Variants in RBM6 observed in about 807,000 individuals in gnomAD.
The protein encoded by RBM6 is RNA binding motif protein 6.
In RBM6, 23 loss-of-function variants were observed where a neutral mutation model predicts 140.4. The ratio of observed to expected loss-of-function variants is 0.16; its 90% CI spans 0.12 to 0.23. The LOEUF (loss-of-function observed/expected upper bound fraction) is 0.23, where lower values mean the gene tolerates loss of function less well. Ranked by LOEUF, RBM6 falls within the 10% of genes least tolerant of loss-of-function variation. The pLI, the probability that RBM6 is intolerant of heterozygous loss-of-function variation, is 1.00. For synonymous variants in RBM6, 439 were observed against 475.6 expected (o/e 0.92, Z 1.00); for missense variants, 1,139 against 1,386.7 (o/e 0.82, Z 2.84).
chr3:50,037,624 A>C (rs1186927121), intron 6 of RBM6, among the ~76,000 whole-genome samples: 1 of 152,146 alleles, frequency 6.6e-6, no homozygotes, highest in Non-Finnish European at 1.5e-5. Context: ...AAGGGTCAGT[A>C]GAAATAATGT....
At chr3:50,063,401 T>A (rs2090011376) in intron 15 of RBM6, among the ~76,000 whole-genome samples, 2 of 148,882 alleles carry the variant, frequency 1.3e-5, no homozygotes, top group South Asian at 4.3e-4. Context: ...AGTTTAGGAG[T>A]TTGACACCAG....
chr3:50,041,560 T>C (rs2088921813), intron 6 of RBM6, among the ~76,000 whole-genome samples: 1 of 152,244 alleles, frequency 6.6e-6, no homozygotes, highest in Non-Finnish European at 1.5e-5. Flanking sequence ...AGTAATCTTT[T>C]ATACTAAGAG....
At chr3:50,043,499 AG>A (rs1270524560) in intron 6 of RBM6, among the ~76,000 whole-genome samples, 2 of 143,382 alleles carry the variant, frequency 1.4e-5, no homozygotes, top group African/African-American at 5.2e-5. Context: ...AAAAAAAAAA[AG>A]AGAGATCTAT....
intron 6 of RBM6, among the ~76,000 whole-genome samples, chr3:50,036,975 G>A (rs189176973): frequency 1.3e-5 from 2 of 151,752 alleles, no homozygotes; most frequent in African/African-American, 2.4e-5. Context: ...TAGTAGAGAC[G>A]GGGCTTCACC....
chr3:50,047,624 C>T (rs185508318), intron 6 of RBM6, among the ~76,000 whole-genome samples: 19 of 152,220 alleles, frequency 1.2e-4, no homozygotes, highest in African/African-American at 4.3e-4. Flanking sequence ...GTGATACCGC[C>T]GCCGCCGCTG....
At chr3:50,076,168 C>T (rs185977882) in intron 20 of RBM6, among the ~76,000 whole-genome samples, 242 of 151,932 alleles carry the variant, frequency 1.6e-3, no homozygotes, top group African/African-American at 5.3e-3. Flanking sequence ...AGAGTTTTGC[C>T]ATGTTGGCCA....
chr3:50,070,323 C>T (rs2090260874), intron 18 of RBM6, 132 bp from the exon 19 acceptor site: 2 of 674,242 alleles, frequency 3.0e-6, no homozygotes, highest in South Asian at 3.4e-5. Flanking sequence ...CCAGTGTACT[C>T]CAGCCTGGGC....
chr3:50,018,581 GTTTTTTTTTTT>G (rs58115280), intron 6 of RBM6, among the ~76,000 whole-genome samples: 7 of 63,510 alleles, frequency 1.1e-4, no homozygotes, highest in African/African-American at 2.0e-4. Flanking sequence ...GTAGGAGTGT[GTTTTTTTTTTT>G]TTTTTTTTTT....
rs763029328 is a variant in RBM6, at chr3:49,967,776, T to C, written c.351T>C (p.Gly117=). ...ATTCATCACAGTTGGACTTCAGGGG[T>C]AGGGACATACATTCTGGGGATTTTC... ...SRDSSQLDFR[G]RDIHSGDFRD... is the part of the protein sequence containing the mutation. Residue 117 remains glycine (G), a synonymous_variant, in exon 3 of 21, where the codon GGT becomes GGC. Coordinates refer to ENST00000266022, the MANE Select transcript of RBM6 (RefSeq NM_005777.3). The surrounding 1 kb of genome is among the most constrained non-coding windows in gnomAD (Gnocchi z 4.0). The C allele has an allele frequency of 6.2e-7, 1 of 1,613,844 alleles. No individual in the cohort carries two copies. Among genetic ancestry groups the C allele is most frequent in the Non-Finnish European group, 8.5e-7 (1 of 1,179,988 alleles).
Position 50,018,682 on chromosome 3 carries a change from C to T in RBM6, c.1557+19169C>T, listed in dbSNP as rs190059358. ...TCTCGGTTCATTGCAACCTCTGCCTCCCAGGTTCAAGTGATTCTTCTGCCT... is the reference window on the plus strand; with the variant it reads ...TCTCGGTTCATTGCAACCTCTGCCTTCCAGGTTCAAGTGATTCTTCTGCCT... On this transcript the variant is annotated intron_variant, in intron 6 of 20. Coordinates refer to ENST00000266022, the MANE Select transcript of RBM6 (RefSeq NM_005777.3). Among the ~76,000 whole-genome samples the T allele has an allele frequency of 3.7e-3, 557 of 148,966 alleles. 4 individuals are homozygous for T. Among genetic ancestry groups the T allele is most frequent in the Middle Eastern group, 0.017 (5 of 288 alleles).
chr3:50,070,286 C>T (rs761126453), intron 18 of RBM6, among the ~76,000 whole-genome samples, 169 bp from the exon 19 acceptor site: 2 of 151,892 alleles, frequency 1.3e-5, no homozygotes, highest in South Asian at 2.1e-4. Flanking sequence ...ACCTGGGAGG[C>T]GGAGGTTGCA....
At chr3:50,027,407 A>T (rs1000525557) in intron 6 of RBM6, among the ~76,000 whole-genome samples, 1 of 152,214 alleles carries the variant, frequency 6.6e-6, no homozygotes, top group Non-Finnish European at 1.5e-5. Context: ...TAGTATATTC[A>T]TAAAATTGTG....
chr3:50,068,604 A>T, intron 17 of RBM6, 86 bp from the exon 18 acceptor site: 1 of 1,271,656 alleles, frequency 7.9e-7, no homozygotes, highest in Non-Finnish European at 1.1e-6. Flanking sequence ...GCTACAATCC[A>T]AAAGCAACTA....
chr3:50,058,276 A>AT (rs1421436078), intron 9 of RBM6, 126 bp from the exon 10 acceptor site: 23 of 1,141,958 alleles, frequency 2.0e-5, no homozygotes, highest in Non-Finnish European at 2.6e-5. Context: ...TTTGTTTAGC[A>AT]TTTTTTTACA....
chr3:49,941,673 C>T (rs1319181612), intron 1 of RBM6, among the ~76,000 whole-genome samples: 2 of 138,792 alleles, frequency 1.4e-5, no homozygotes, highest in Non-Finnish European at 3.0e-5. Flanking sequence ...AAAAAAAACC[C>T]GCAAAACTCA....
rs1171636981 is a variant in RBM6 at position 49,941,640 on chromosome 3, C to CAAAAAA, written c.-67+1440_-67+1445dup. ...GGGCCACAAGAGTGAAACTCTGTCT[C>CAAAAAA]AAAAAAAAAAAAAAAAAAAAAAAAA... On this transcript the variant is annotated intron_variant, in intron 1 of 20. Coordinates refer to ENST00000266022, the MANE Select transcript of RBM6 (RefSeq NM_005777.3). Among the ~76,000 whole-genome samples the CAAAAAA allele has an allele frequency of 4.1e-3, 242 of 58,712 alleles. 12 individuals are homozygous for CAAAAAA. The highest frequency in any genetic ancestry group is 0.017 in the African/African-American group (231 of 13,928). The allele number at this position is 58,712 out of a possible 152,430, so 38.5% of individuals were successfully genotyped here.
chr3:50,068,872 G>C (rs1575875489), intron 18 of RBM6, 108 bp downstream of exon 18: 3 of 986,812 alleles, frequency 3.0e-6, no homozygotes, highest in Non-Finnish European at 3.0e-6. Flanking sequence ...GAGAACAAAA[G>C]CAGCCTCAAA....
At chr3:50,024,692 G>A (rs150862750) in intron 6 of RBM6, among the ~76,000 whole-genome samples, 14 of 152,312 alleles carry the variant, frequency 9.2e-5, no homozygotes, top group Admixed American at 3.3e-4. Flanking sequence ...GATGGCTCAC[G>A]CCTGTTATCC....
intron 7 of RBM6, among the ~76,000 whole-genome samples, chr3:50,050,787 T>C (rs2089434154): frequency 6.6e-6 from 1 of 152,132 alleles, no homozygotes; most frequent in Non-Finnish European, 1.5e-5. Context: ...TAATATCTCA[T>C]TGTGGTTTTG....
Sources: allele counts gnomAD v4.1 joint callset (sites outside exome capture counted in the v4.1 genomes callset), GRCh38; gene constraint gnomAD v4.1.1; non-coding constraint Gnocchi (gnomAD v3.1); transcripts MANE v1.5; gene names NCBI Gene and HGNC (gene_info 2026-07-23, HGNC 2026-07-21).